The following SLC6A17 variants were observed in gnomAD, a reference collection of about 807,000 sequenced individuals.
SLC6A17 encodes the protein solute carrier family 6 member 17.
SLC6A17 carries 21 observed loss-of-function variants against 64.5 expected under a neutral mutation model. The ratio of observed to expected loss-of-function variants is 0.33; its 90% CI spans 0.23 to 0.47. The LOEUF (loss-of-function observed/expected upper bound fraction) is 0.47, where lower values mean the gene tolerates loss of function less well. Ranked by LOEUF, SLC6A17 falls within the 20% of genes least tolerant of loss-of-function variation. The pLI, the probability that SLC6A17 is intolerant of heterozygous loss-of-function variation, is 1.00. For synonymous variants in SLC6A17, 372 were observed against 399.5 expected (o/e 0.93, Z 0.82); for missense variants, 682 against 963.2 (o/e 0.71, Z 3.86).
At chr1:110,183,447 G>A (rs966997107) in intron 6 of SLC6A17, among the ~76,000 whole-genome samples, 2 of 152,200 alleles carry the variant, frequency 1.3e-5, no homozygotes, top group African/African-American at 4.8e-5. Flanking sequence ...GTGGATTAGT[G>A]GTTAGTACTG....
rs1408165213 is a variant in SLC6A17, at chr1:110,192,592, C to T, written c.1193C>T (p.Thr398Ile). 1.2e-6 allele frequency: 2 copies of T among 1,614,188 alleles called. No individual in the cohort carries two copies. The highest frequency in any genetic ancestry group is 2.2e-5 in the South Asian group (2 of 91,082). ...CCCCACGTCAACTTCTCCCACCTGACCACAAAGGACTACATGGAGATGTAC... is the reference window on the plus strand; with the variant it reads ...CCCCACGTCAACTTCTCCCACCTGATCACAAAGGACTACATGGAGATGTAC... ...IPPHVNFSHLTTKDYMEMYNV... is the reference protein window; with the variant it reads ...IPPHVNFSHLITKDYMEMYNV... The change falls in exon 8 of 12, where the codon ACC (threonine) becomes ATC (isoleucine). Residue 398 changes from threonine (T) to isoleucine (I), a missense_variant. Thr to Ile is a moderately conservative substitution (Grantham distance 89). This residue lies in a region of SLC6A17 where 415 missense variants were observed against 603.8 expected (regional missense o/e 0.69). Transcript: ENST00000331565. This position sits in a 1 kb window ranked among gnomAD's most constrained non-coding sequence, Gnocchi z 4.3.
chr1:110,183,967 G>C (rs952897300), intron 6 of SLC6A17, among the ~76,000 whole-genome samples: 1 of 151,476 alleles, frequency 6.6e-6, no homozygotes, highest in African/African-American at 2.4e-5. Flanking sequence ...GAGGCTAGGG[G>C]TCAGGAGTGT....
rs367697353 is a variant in SLC6A17 at position 110,198,138 on chromosome 1, C to T, written c.1878C>T (p.Val626=). The change falls in exon 12 of 12, where the codon GTC becomes GTT. Residue 626 remains valine, a synonymous_variant. Coordinates refer to ENST00000331565, the MANE Select transcript of SLC6A17 (RefSeq NM_001010898.4). ...WAMALLITLI[V]VATLPIPVVF... is the part of the protein sequence containing the mutation. The stretch of plus-strand genomic sequence containing the variant: ...TGGCACTCCTGATCACCCTCATCGT[C>T]GTGGCGACGCTGCCCATCCCTGTGG... 1.2e-5 allele frequency: 20 copies of T among 1,614,040 alleles called. No individual in the cohort carries two copies. The highest frequency in any genetic ancestry group is 1.7e-5 in the Admixed American group (1 of 60,010).
At chr1:110,190,836 C>G (rs895138230) in intron 6 of SLC6A17, among the ~76,000 whole-genome samples, 1 of 150,522 alleles carries the variant, frequency 6.6e-6, no homozygotes, top group Non-Finnish European at 1.5e-5. Context: ...GTGCTGGGGC[C>G]GGGGGCGGGG....
intron 1 of SLC6A17, among the ~76,000 whole-genome samples, chr1:110,158,080 G>A (rs1375196620): frequency 6.6e-6 from 1 of 152,016 alleles, no homozygotes; most frequent in Non-Finnish European, 1.5e-5. Flanking sequence ...TTATATATTT[G>A]TCTGATTTCT....
chr1:110,156,463 A>T (rs1024264160), intron 1 of SLC6A17, among the ~76,000 whole-genome samples: 1 of 152,140 alleles, frequency 6.6e-6, no homozygotes, highest in Non-Finnish European at 1.5e-5. Context: ...GTGTGCCATG[A>T]TAGTGTTATT....
Position 110,192,593 on chromosome 1 carries a change from C to A in SLC6A17, c.1194C>A (p.Thr398=), listed in dbSNP as rs1571001854. 4 of 1,614,178 alleles carry A rather than the reference C, an allele frequency of 2.5e-6. No individual in the cohort carries two copies. The highest frequency in any genetic ancestry group is 1.7e-6 in the Non-Finnish European group (2 of 1,180,026). The change falls in exon 8 of 12, where the codon ACC becomes ACA. Residue 398 remains threonine (T), a synonymous_variant. Transcript: ENST00000331565. This position sits in a 1 kb window ranked among gnomAD's most constrained non-coding sequence, Gnocchi z 4.3. ...CCCACGTCAACTTCTCCCACCTGACCACAAAGGACTACATGGAGATGTACA... is the reference window on the plus strand; with the variant it reads ...CCCACGTCAACTTCTCCCACCTGACAACAAAGGACTACATGGAGATGTACA... The part of the protein sequence containing the change: ...IPPHVNFSHL[T]TKDYMEMYNV...
intron 5 of SLC6A17, among the ~76,000 whole-genome samples, chr1:110,176,123 C>T (rs987478909): frequency 2.2e-4 from 34 of 152,170 alleles, no homozygotes; most frequent in African/African-American, 8.0e-4. Context: ...GGGATATAGA[C>T]ATGTGCGAGA....
intron 3 of SLC6A17, 68 bp from the exon 4 acceptor site, chr1:110,173,896 CTGGGCCTCG>C: frequency 1.3e-6 from 2 of 1,517,652 alleles, no homozygotes; most frequent in East Asian, 2.5e-5. Flanking sequence ...TGCCGACGTG[CTGGGCCTCG>C]GGTGGAGCGT....
intron 6 of SLC6A17, among the ~76,000 whole-genome samples, chr1:110,180,731 T>C (rs2101851579): frequency 6.6e-6 from 1 of 152,216 alleles, no homozygotes; most frequent in African/African-American, 2.4e-5. Flanking sequence ...AAGTACCAGG[T>C]CACTGCCCTA....
chr1:110,166,694 C>G (rs924645867), intron 1 of SLC6A17, 149 bp from the exon 2 acceptor site: 4 of 433,456 alleles, frequency 9.2e-6, no homozygotes, highest in Non-Finnish European at 1.6e-5. Flanking sequence ...CCGGGCAGCC[C>G]CTGATGGGGA....
At chr1:110,159,489 A>C (rs1046741823) in intron 1 of SLC6A17, among the ~76,000 whole-genome samples, 2 of 152,182 alleles carry the variant, frequency 1.3e-5, no homozygotes, top group Admixed American at 6.5e-5. Context: ...CAGACTCAGC[A>C]AATGCAACAG....
At chr1:110,191,840 T>A in intron 6 of SLC6A17, 132 bp from the exon 7 acceptor site, 1 of 1,448,434 alleles carries the variant, frequency 6.9e-7, no homozygotes, top group Non-Finnish European at 9.2e-7. Context: ...ATTGCCCAAG[T>A]TCACACAGCT....
rs1406807610 is a variant in SLC6A17 at position 110,192,654 on chromosome 1, G to C, written c.1255G>C (p.Ala419Pro). 1 of 1,614,120 alleles carries C rather than the reference G, an allele frequency of 6.2e-7. No homozygotes were observed. Among genetic ancestry groups the C allele is most frequent in the Non-Finnish European group, 8.5e-7 (1 of 1,179,982 alleles). Residue 419 changes from alanine to proline, a missense_variant, in exon 8 of 12, where the codon GCC (alanine) becomes CCC (proline). Physicochemically the swap from Ala to Pro is conservative, Grantham distance 27. This residue lies in a region of SLC6A17 where 415 missense variants were observed against 603.8 expected (regional missense o/e 0.69). Coordinates refer to ENST00000331565, the MANE Select transcript of SLC6A17 (RefSeq NM_001010898.4). The surrounding 1 kb of genome is among the most constrained non-coding windows in gnomAD (Gnocchi z 4.3). ...IMTVKEDQFS[A>P]LGLDPCLLED... ...GACCGTGAAGGAGGACCAGTTCTCA[G>C]CCCTGGGCCTTGACCCCTGCCTTCT...
intron 9 of SLC6A17, chr1:110,195,097 G>A: frequency 2.3e-6 from 1 of 444,084 alleles, no homozygotes; most frequent in Non-Finnish European, 4.2e-6. Flanking sequence ...GCACTCACTG[G>A]CCTTGCGCCC....
intron 1 of SLC6A17, among the ~76,000 whole-genome samples, chr1:110,161,247 A>G (rs990697755): frequency 6.6e-6 from 1 of 152,196 alleles, no homozygotes; most frequent in Non-Finnish European, 1.5e-5. Context: ...CTCTGAGGTA[A>G]TTAGGAGAAC....
intron 3 of SLC6A17, 24 bp downstream of exon 3, chr1:110,172,241 A>G: frequency 6.4e-7 from 1 of 1,558,504 alleles, no homozygotes; most frequent in Non-Finnish European, 8.7e-7. Context: ...TGGGGCAGGC[A>G]CTGAGTGGGA....
chr1:110,194,124 G>A (rs963553572), intron 8 of SLC6A17, among the ~76,000 whole-genome samples: 1 of 152,204 alleles, frequency 6.6e-6, no homozygotes, highest in African/African-American at 2.4e-5. Flanking sequence ...AGACCCAGGT[G>A]TCGGTGTTTC....
At chr1:110,171,017 A>G (rs2101846055) in intron 2 of SLC6A17, among the ~76,000 whole-genome samples, 1 of 152,300 alleles carries the variant, frequency 6.6e-6, no homozygotes, top group Admixed American at 6.5e-5. Context: ...TAAATAGCTG[A>G]TTGTTGCCAA....
Sources: gnomAD v4.1 joint callset for allele counts (sites outside exome capture counted in the v4.1 genomes callset) on GRCh38, gnomAD v4.1.1 for gene constraint, gnomAD v4.1.1 regional missense constraint, Gnocchi (gnomAD v3.1) non-coding constraint, MANE v1.5 for transcripts, NCBI Gene and HGNC (gene_info 2026-07-23, HGNC 2026-07-21) for gene names.